The following AK5 variants were observed in gnomAD, a reference collection of about 807,000 sequenced individuals.
AK5 encodes the protein adenylate kinase isoenzyme 5.
A neutral mutation model predicts 69.5 loss-of-function variants in AK5; 27 were observed. The observed-to-expected ratio is 0.39, with a 90% confidence interval of 0.29 to 0.54. The LOEUF is 0.54. Ranked by LOEUF, AK5 falls within the 20% of genes least tolerant of loss-of-function variation. The pLI is 0.71. For missense variants in AK5, 531 were observed against 700.4 expected (o/e 0.76, Z 2.73); for synonymous variants, 260 against 244.4 (o/e 1.06, Z -0.60).
At chr1:77,464,445 G>A (rs2100682831) in intron 8 of AK5, among the ~76,000 whole-genome samples, 1 of 152,338 alleles carries the variant, frequency 6.6e-6, no homozygotes, top group East Asian at 1.9e-4. Context: ...AACATGCTCA[G>A]TGAACACATT....
At chr1:77,413,651 AT>A (rs1650194871) in intron 7 of AK5, among the ~76,000 whole-genome samples, 1 of 152,334 alleles carries the variant, frequency 6.6e-6, no homozygotes, top group Admixed American at 6.5e-5. Flanking sequence ...GTTCTGAAAA[AT>A]AAATGGTTTC....
chr1:77,422,093 G>A (rs904013552), intron 8 of AK5, among the ~76,000 whole-genome samples: 1 of 152,130 alleles, frequency 6.6e-6, no homozygotes, highest in East Asian at 1.9e-4. Context: ...TTCTCCAGCT[G>A]CCCAAGCCAG....
intron 6 of AK5, among the ~76,000 whole-genome samples, chr1:77,353,457 G>A (rs1662324846): frequency 2.0e-5 from 3 of 152,180 alleles, no homozygotes; most frequent in Admixed American, 6.5e-5. Flanking sequence ...CAGCCAGGGC[G>A]GTAGAGCAAG....
At chr1:77,340,333 G>A (rs750973081) in intron 5 of AK5, 44 bp from the exon 6 acceptor site, 3 of 1,554,662 alleles carry the variant, frequency 1.9e-6, no homozygotes, top group East Asian at 2.3e-5. Context: ...ACATGCATTA[G>A]TTGGTATGTT....
intron 8 of AK5, among the ~76,000 whole-genome samples, chr1:77,443,093 C>T (rs1472747517): frequency 6.6e-6 from 1 of 152,148 alleles, no homozygotes. Flanking sequence ...GACTTGAGAT[C>T]TTCTGTAATA....
chr1:77,391,421 G>GTATATATACATA (rs1648429493), intron 6 of AK5, among the ~76,000 whole-genome samples: 1 of 123,070 alleles, frequency 8.1e-6, no homozygotes, highest in Admixed American at 8.4e-5. Flanking sequence ...ACATATATAT[G>GTATATATACATA]TATATATATA....
intron 8 of AK5, among the ~76,000 whole-genome samples, chr1:77,429,622 A>C (rs1164408542): frequency 9.9e-5 from 15 of 152,198 alleles, no homozygotes; most frequent in Admixed American, 9.8e-4. Flanking sequence ...GAATAAGTGC[A>C]TGGTGCTGTG....
At chr1:77,453,917 T>C (rs1425840835) in intron 8 of AK5, among the ~76,000 whole-genome samples, 1 of 152,214 alleles carries the variant, frequency 6.6e-6, no homozygotes, top group African/African-American at 2.4e-5. Flanking sequence ...TTCTTATTGG[T>C]AAAGGAACTT....
intron 6 of AK5, among the ~76,000 whole-genome samples, chr1:77,390,221 A>G (rs1016553355): frequency 5.3e-5 from 8 of 152,216 alleles, no homozygotes; most frequent in African/African-American, 1.9e-4. Flanking sequence ...AAAATCAGTT[A>G]TGTTTAGTTT....
chr1:77,490,785 T>C (rs1403075647), intron 10 of AK5, among the ~76,000 whole-genome samples: 1 of 151,110 alleles, frequency 6.6e-6, no homozygotes, highest in African/African-American at 2.4e-5. Flanking sequence ...CTTTTTTCTT[T>C]TTTTTTTTTT....
At chr1:77,356,988 A>AT (rs1372968879) in intron 6 of AK5, among the ~76,000 whole-genome samples, 1 of 151,912 alleles carries the variant, frequency 6.6e-6, no homozygotes, top group East Asian at 1.9e-4. Flanking sequence ...TCTTGTGTTG[A>AT]TTTTTTCTCT....
At chr1:77,556,351 C>G (rs763633031) in intron 13 of AK5, among the ~76,000 whole-genome samples, 4 of 152,184 alleles carry the variant, frequency 2.6e-5, no homozygotes, top group Non-Finnish European at 5.9e-5. Context: ...GGATCCCTAA[C>G]CAATATAGCT....
intron 5 of AK5, among the ~76,000 whole-genome samples, chr1:77,323,223 C>G (rs1034330972): frequency 6.6e-6 from 1 of 152,094 alleles, no homozygotes; most frequent in African/African-American, 2.4e-5. Context: ...AATGCCTGAC[C>G]TCAGGGGATC....
At chr1:77,355,822 G>T (rs1211655055) in intron 6 of AK5, among the ~76,000 whole-genome samples, 1 of 149,776 alleles carries the variant, frequency 6.7e-6, no homozygotes, top group African/African-American at 2.5e-5. Context: ...TTTACTAAAT[G>T]AATAGACATT....
At chr1:77,510,718 T>A (rs575481128) in intron 10 of AK5, among the ~76,000 whole-genome samples, 1 of 152,206 alleles carries the variant, frequency 6.6e-6, no homozygotes, top group African/African-American at 2.4e-5. Flanking sequence ...GATCCATTTA[T>A]CATTAAATTT....
At chr1:77,408,731 T>G (rs1345722879) in intron 6 of AK5, among the ~76,000 whole-genome samples, 3 of 152,138 alleles carry the variant, frequency 2.0e-5, no homozygotes, top group African/African-American at 7.2e-5. Flanking sequence ...TTATTTTTAT[T>G]TTTGTTTGTC....
At chr1:77,508,866 CA>C (rs11380102) in intron 10 of AK5, among the ~76,000 whole-genome samples, 4,594 of 133,844 alleles carry the variant, frequency 0.034, 60 homozygotes, top group Middle Eastern at 0.084. Context: ...GACTCCATCT[CA>C]AAAAAAAAAA....
chr1:77,427,231 A>G (rs1271204440), intron 8 of AK5, among the ~76,000 whole-genome samples: 2 of 152,102 alleles, frequency 1.3e-5, no homozygotes, highest in African/African-American at 4.8e-5. Flanking sequence ...CTTTGAAAAG[A>G]TCCATAAAAT....
At chr1:77,334,045 C>G (rs1352977936) in intron 5 of AK5, among the ~76,000 whole-genome samples, 2 of 151,754 alleles carry the variant, frequency 1.3e-5, no homozygotes, top group African/African-American at 4.8e-5. Context: ...TTTTCATTGC[C>G]CTTCGTTCAT....
Sources: gnomAD v4.1 joint callset for allele counts (sites outside exome capture counted in the v4.1 genomes callset) on GRCh38, gnomAD v4.1.1 for gene constraint, MANE v1.5 for transcripts, NCBI Gene and HGNC (gene_info 2026-07-23, HGNC 2026-07-21) for gene names.